Variants in HPSE2 observed in about 807,000 individuals in gnomAD.
HPSE2 encodes inactive heparanase-2.
HPSE2 carries 38 observed loss-of-function variants against 60.5 expected under a neutral mutation model. The ratio of observed to expected loss-of-function variants is 0.63; its 90% confidence interval spans 0.48 to 0.82. HPSE2 has a LOEUF of 0.82. Ranked by LOEUF, HPSE2 falls within the 40% of genes least tolerant of loss-of-function variation. The pLI, the probability that HPSE2 is intolerant of heterozygous loss-of-function variation, is 0.00. For synonymous variants in HPSE2, 295 were observed against 293.2 expected (o/e 1.01, Z -0.06); for missense variants, 713 against 740.4 (o/e 0.96, Z 0.43).
chr10:99,287,483 G>T, the HPSE2 span, among the ~76,000 whole-genome samples: 1 of 152,138 alleles, frequency 6.6e-6, no homozygotes, highest in South Asian at 2.1e-4. Context: ...GTCATTGGCT[G>T]GGAGCAGCAG....
rs1250940189 is a variant in HPSE2, at chr10:98,715,818, C to T, written c.956+5839G>A. 2.6e-5 allele frequency among the ~76,000 whole-genome samples: 4 copies of T among 151,956 alleles called. No individual in the cohort carries two copies. The South Asian group carries it at 6.2e-4, about 24-fold the overall frequency. On this transcript the variant is annotated intron_variant, in intron 5 of 11. Coordinates refer to ENST00000370552, the MANE Select transcript of HPSE2 (RefSeq NM_021828.5). The stretch of plus-strand genomic sequence containing the variant: ...GGGTCTTGCCTTGATATGGATGGTG[C>T]TGACTGATCAAGGTGGTGATTACTA...
chr10:98,761,738 C>A (rs904956833), intron 3 of HPSE2, among the ~76,000 whole-genome samples: 1 of 152,060 alleles, frequency 6.6e-6, no homozygotes, highest in African/African-American at 2.4e-5. Context: ...CAGTAGCAAG[C>A]GGACTGGGGA....
chr10:98,953,956 G>A (rs12242609), intron 3 of HPSE2, among the ~76,000 whole-genome samples: 10,969 of 152,134 alleles, frequency 0.072, 688 homozygotes, highest in African/African-American at 0.16. Flanking sequence ...TCTATAATAA[G>A]CATTCAATAA....
At chr10:99,192,906 TA>T (rs1255154883) in intron 2 of HPSE2, among the ~76,000 whole-genome samples, 1 of 151,488 alleles carries the variant, frequency 6.6e-6, no homozygotes, top group Admixed American at 6.6e-5. Context: ...TTTTCATATA[TA>T]AAAAAAAGGA....
At chr10:98,884,179 G>A (rs565626467) in intron 3 of HPSE2, among the ~76,000 whole-genome samples, 2 of 152,208 alleles carry the variant, frequency 1.3e-5, no homozygotes, top group Admixed American at 1.3e-4. Flanking sequence ...TTCTCTGAAG[G>A]CTGAGAGAGG....
chr10:99,268,555 A>T, the HPSE2 span, among the ~76,000 whole-genome samples: 1 of 151,766 alleles, frequency 6.6e-6, no homozygotes, highest in Non-Finnish European at 1.5e-5. Context: ...CTGAGGCAGA[A>T]GAATCACTTG....
At chr10:98,558,171 C>T (rs1009628169) in intron 9 of HPSE2, among the ~76,000 whole-genome samples, 1 of 152,076 alleles carries the variant, frequency 6.6e-6, no homozygotes, top group African/African-American at 2.4e-5. Context: ...AATTTTCATA[C>T]ACTGCTGGTA....
intron 11 of HPSE2, among the ~76,000 whole-genome samples, chr10:98,473,694 T>C (rs1439153293): frequency 6.6e-6 from 1 of 151,912 alleles, no homozygotes; most frequent in Non-Finnish European, 1.5e-5. Context: ...GCTTTTAGGG[T>C]AGATATATAG....
At chr10:98,913,985 G>T (rs532138651) in intron 3 of HPSE2, among the ~76,000 whole-genome samples, 1 of 152,214 alleles carries the variant, frequency 6.6e-6, no homozygotes, top group African/African-American at 2.4e-5. Context: ...TGAAATTTTA[G>T]AAGGTGAAAA....
intron 9 of HPSE2, among the ~76,000 whole-genome samples, chr10:98,552,362 C>T (rs1380076502): frequency 2.6e-5 from 4 of 152,024 alleles, no homozygotes; most frequent in African/African-American, 9.7e-5. Context: ...TTTTATGACA[C>T]TTAATATTAA....
At chr10:98,879,887 GA>G (rs1427736428) in intron 3 of HPSE2, among the ~76,000 whole-genome samples, 5 of 145,266 alleles carry the variant, frequency 3.4e-5, no homozygotes, top group Non-Finnish European at 6.1e-5. Flanking sequence ...GTGTGTGTGT[GA>G]TGTGTTTCTG....
At chr10:98,861,118 A>G (rs994037601) in intron 3 of HPSE2, among the ~76,000 whole-genome samples, 1 of 152,218 alleles carries the variant, frequency 6.6e-6, no homozygotes, top group African/African-American at 2.4e-5. Flanking sequence ...AACATGTTTG[A>G]TAGGGAGCTT....
rs369817377 is a variant in HPSE2, at chr10:98,855,170, C to G, written c.611-111114G>C. Among the ~76,000 whole-genome samples, 408 of 152,300 alleles carry G rather than the reference C, an allele frequency of 2.7e-3. 3 individuals are homozygous for G. Among genetic ancestry groups the G allele is most frequent in the African/African-American group, 9.2e-3 (383 of 41,572 alleles). On this transcript the variant is annotated intron_variant, in intron 3 of 11. Transcript: ENST00000370552. The stretch of plus-strand genomic sequence containing the variant: ...CAAGCACCATACAAGCTGGTAAGAA[C>G]TCAGCTAAGAGGTCCAACATATTGC...
At chr10:98,827,201 TTTTG>T (rs747860781) in intron 3 of HPSE2, among the ~76,000 whole-genome samples, 2 of 151,994 alleles carry the variant, frequency 1.3e-5, no homozygotes, top group African/African-American at 2.4e-5. Flanking sequence ...TATTGTGGTT[TTTTG>T]TTTGTTTGTT....
chr10:99,188,159 T>C (rs571352591), intron 2 of HPSE2, among the ~76,000 whole-genome samples: 15 of 152,208 alleles, frequency 9.9e-5, no homozygotes, highest in African/African-American at 3.1e-4. Flanking sequence ...AACATAATAA[T>C]ACTTACAATA....
At chr10:98,762,287 C>T (rs913645614) in intron 3 of HPSE2, among the ~76,000 whole-genome samples, 3 of 110,334 alleles carry the variant, frequency 2.7e-5, no homozygotes, top group Admixed American at 1.2e-4. Context: ...GAAAACCTGG[C>T]GGGGGTGGGG....
the HPSE2 span, among the ~76,000 whole-genome samples, chr10:99,259,647 A>G: frequency 6.6e-6 from 1 of 152,304 alleles, no homozygotes; most frequent in Non-Finnish European, 1.5e-5. Context: ...TCCAACATCA[A>G]AGACAACAGA....
chr10:98,941,483 C>T (rs1954999285), intron 3 of HPSE2, among the ~76,000 whole-genome samples: 1 of 142,052 alleles, frequency 7.0e-6, no homozygotes. Context: ...TTCACAATTG[C>T]TTCAAAGAGA....
At chr10:98,802,771 C>A (rs1950945887) in intron 3 of HPSE2, among the ~76,000 whole-genome samples, 1 of 143,196 alleles carries the variant, frequency 7.0e-6, no homozygotes, top group Non-Finnish European at 1.5e-5. Context: ...AATAGTGCCA[C>A]AATAAACATA....
Sources: allele counts gnomAD v4.1 joint callset (sites outside exome capture counted in the v4.1 genomes callset), GRCh38; gene constraint gnomAD v4.1.1; transcripts MANE v1.5; gene names NCBI Gene and HGNC (gene_info 2026-07-23, HGNC 2026-07-21).